The following RBSN variants were observed in gnomAD, a reference collection of about 807,000 sequenced individuals.
RBSN encodes rabenosyn, RAB effector, also known as rabenosyn-5.
A neutral mutation model predicts 60.5 loss-of-function variants in RBSN; 34 were observed. The observed-to-expected ratio is 0.56, with a 90% CI of 0.43 to 0.75. The LOEUF is 0.75. Among genes scored for constraint, RBSN ranks in the 30% least tolerant of loss-of-function variants. RBSN has a pLI of 0.00. For missense variants in RBSN, 845 were observed against 986.8 expected, an observed-to-expected ratio of 0.86 and a Z score of 1.92; for synonymous variants, 322 against 366.9, an observed-to-expected ratio of 0.88 and a Z score of 1.40.
At chr3:15,098,716 G>A (rs2043741732) in intron 1 of RBSN, among the ~76,000 whole-genome samples, 1 of 152,072 alleles carries the variant, frequency 6.6e-6, no homozygotes, top group South Asian at 2.1e-4. Context: ...AAAACACTCC[G>A]AACATCTCCA....
At chr3:15,088,680 G>C (rs1267352311) in intron 5 of RBSN, among the ~76,000 whole-genome samples, 1 of 152,024 alleles carries the variant, frequency 6.6e-6, no homozygotes, top group Non-Finnish European at 1.5e-5. Flanking sequence ...GCGCCCGGCT[G>C]TATAGTATTA....
rs201912421 is a variant in RBSN, at chr3:15,074,657, C to T, written c.1480G>A (p.Asp494Asn). The T allele has an allele frequency of 1.2e-6, 2 of 1,614,270 alleles. No homozygotes were observed. The highest frequency in any genetic ancestry group is 2.7e-5 in the African/African-American group (2 of 75,072). Reference protein sequence around the residue: ...TLQENLRQLQDEYDQQQTEKA... With the variant: ...TLQENLRQLQNEYDQQQTEKA... ...TCTGTCTGCTGCTGGTCATACTCGT[C>T]CTGCAGCTGCCGCAGGTTCTCCTGC... Residue 494 changes from aspartate (D) to asparagine (N), a missense_variant, in exon 14 of 14, where the codon GAC (aspartate) becomes AAC (asparagine). Coordinates refer to ENST00000253699, the MANE Select transcript of RBSN (RefSeq NM_022340.4). This position sits in a 1 kb window ranked among gnomAD's most constrained non-coding sequence, Gnocchi z 6.4.
rs1313001678 is a variant in RBSN at position 15,074,829 on chromosome 3, G to A, written c.1308C>T (p.Pro436=). ...EVASLRRGPA[P]LRKAEGWLPL... is the part of the protein sequence containing the mutation. The stretch of plus-strand genomic sequence containing the variant: ...GGAGCCAGCCCTCAGCCTTTCTCAA[G>A]GGGGCAGGGCCCCTGCGGAGAGATG... The change falls in exon 14 of 14, where the codon CCC becomes CCT. Residue 436 remains proline, a synonymous_variant. Coordinates refer to ENST00000253699, the MANE Select transcript of RBSN (RefSeq NM_022340.4). This position sits in a 1 kb window ranked among gnomAD's most constrained non-coding sequence, Gnocchi z 6.4. The A allele has an allele frequency of 5.6e-6, 9 of 1,614,110 alleles. No individual in the cohort carries two copies. The highest frequency in any genetic ancestry group is 6.8e-6 in the Non-Finnish European group (8 of 1,180,064).
Position 15,098,292 on chromosome 3 carries a change from G to A in RBSN, c.-500-18C>T, listed in dbSNP as rs2043722844. 6.6e-6 allele frequency: 1 copy of A among 151,838 alleles called. No individual in the cohort carries two copies. The highest frequency in any genetic ancestry group is 2.1e-4 in the South Asian group (1 of 4,812). 9.4% of individuals were successfully genotyped at this position (151,838 alleles called of 1,614,324 possible). A position where few individuals can be genotyped will look rare whatever the true frequency, so the allele number is the denominator to read the frequency against. On this transcript the variant is annotated intron_variant, in intron 1 of 13. Transcript: ENST00000253699. ...CACAGTACCTGGCACACACAATGAA[G>A]CAGCACAATAAAGCTCCATGAATGA...
intron 10 of RBSN, among the ~76,000 whole-genome samples, chr3:15,079,142 C>T (rs1442006627): frequency 6.6e-6 from 1 of 152,132 alleles, no homozygotes; most frequent in Non-Finnish European, 1.5e-5. Flanking sequence ...ATGTTTTCAG[C>T]TTTGCAGGCC....
Position 15,077,981 on chromosome 3 carries a change from A to G in RBSN, c.998+94T>C. On this transcript the variant is annotated intron_variant, in intron 11 of 13. Coordinates refer to ENST00000253699, the MANE Select transcript of RBSN (RefSeq NM_022340.4). This position sits in a 1 kb window ranked among gnomAD's most constrained non-coding sequence, Gnocchi z 4.4. ...CCTCACCCACTGCCCCATCACCAGAAGTCTGAGTGAGTGCAGGTCTGCTTT... is the reference window on the plus strand; with the variant it reads ...CCTCACCCACTGCCCCATCACCAGAGGTCTGAGTGAGTGCAGGTCTGCTTT... 1 of 1,084,270 alleles carries G rather than the reference A, an allele frequency of 9.2e-7. No individual in the cohort carries two copies. The highest frequency in any genetic ancestry group is 1.4e-6 in the Non-Finnish European group (1 of 711,376). 67.2% of individuals were successfully genotyped at this position (1,084,270 alleles called of 1,614,324 possible).
chr3:15,078,883 T>C (rs1425990334), intron 10 of RBSN, among the ~76,000 whole-genome samples: 1 of 146,374 alleles, frequency 6.8e-6, no homozygotes, highest in Admixed American at 6.9e-5. Context: ...AAGGCACATC[T>C]ACTACTACAT....
chr3:15,073,899 G>A lies in RBSN; in HGVS notation c.2238C>T (p.Ile746=). The A allele has an allele frequency of 6.2e-7, 1 of 1,614,104 alleles. No homozygotes were observed. ...EELLLQQIDN[I]KAYIFDAKQC... ...GCTTGGCATCAAAGATGTATGCCTTGATGTTATCGATCTGCTGCAGGAGGA... is the reference window on the plus strand; with the variant it reads ...GCTTGGCATCAAAGATGTATGCCTTAATGTTATCGATCTGCTGCAGGAGGA... The change falls in exon 14 of 14, where the codon ATC becomes ATT. Residue 746 remains isoleucine (I), a synonymous_variant. Coordinates refer to ENST00000253699, the MANE Select transcript of RBSN (RefSeq NM_022340.4).
Position 15,074,875 on chromosome 3 carries a change from C to T in RBSN, c.1262G>A (p.Arg421Gln), listed in dbSNP as rs139040870. ...AGATGCCACCTCCCCGTTGGCCGCT[C>T]GAGAAGCCAGGCCACTCTGCCTTTC... ...LEERQSGLASRAANGEVASLR... is the reference protein window; with the variant it reads ...LEERQSGLASQAANGEVASLR... The change falls in exon 14 of 14, where the codon CGA becomes CAA. Residue 421 changes from arginine to glutamine, a missense_variant. Physicochemically the swap from Arg to Gln is conservative, Grantham distance 43 (BLOSUM62 1). Transcript: ENST00000253699. This position sits in a 1 kb window ranked among gnomAD's most constrained non-coding sequence, Gnocchi z 6.4. 18 of 1,613,800 alleles carry T rather than the reference C, an allele frequency of 1.1e-5. No individual in the cohort carries two copies. Among genetic ancestry groups the T allele is most frequent in the African/African-American group, 4.0e-5 (3 of 74,932 alleles).
At chr3:15,098,651 G>T (rs1260652259) in intron 1 of RBSN, among the ~76,000 whole-genome samples, 1 of 151,722 alleles carries the variant, frequency 6.6e-6, no homozygotes, top group African/African-American at 2.4e-5. Context: ...CAACACGAAC[G>T]ACTCAATCCC....
At position 15,072,821 on chromosome 3, in the gene RBSN, C is replaced by G. The variant is rs1419387809; in HGVS notation, c.*961G>C. The G allele has an allele frequency of 6.6e-6, 1 of 152,250 alleles. No individual in the cohort carries two copies. The highest frequency in any genetic ancestry group is 6.5e-5 in the Admixed American group (1 of 15,280). 9.4% of individuals were successfully genotyped at this position (152,250 alleles called of 1,614,324 possible). A position where few individuals can be genotyped will look rare whatever the true frequency, so the allele number is the denominator to read the frequency against. On this transcript the variant is annotated 3_prime_UTR_variant, in exon 14 of 14. Coordinates refer to ENST00000253699, the MANE Select transcript of RBSN (RefSeq NM_022340.4). ...CTCTGCCTCCCGGGTTCACAGCATT[C>G]TCCTGCCTCAGCCTCCAAAGTAGCT... is the stretch of plus-strand genomic sequence containing the variant.
Position 15,085,011 on chromosome 3 carries a change from G to T in RBSN, c.425C>A (p.Ala142Glu). 6.2e-7 allele frequency: 1 copy of T among 1,614,220 alleles called. No individual in the cohort carries two copies. The highest frequency in any genetic ancestry group is 8.5e-7 in the Non-Finnish European group (1 of 1,180,034). Residue 142 changes from alanine (A) to glutamate (E), a missense_variant, in exon 7 of 14, where the codon GCA becomes GAA. Coordinates refer to ENST00000253699, the MANE Select transcript of RBSN (RefSeq NM_022340.4). Reference protein sequence around the residue: ...TAFDRTNTESAKIRAIEKSVV... With the variant: ...TAFDRTNTESEKIRAIEKSVV... Reference sequence around the variant, plus strand: ...AGTTTTAAAGTTACCTCGAATCTTTGCAGACTCAGTATTTGTTCTGTCAAA... The same window carrying T: ...AGTTTTAAAGTTACCTCGAATCTTTTCAGACTCAGTATTTGTTCTGTCAAA...
At position 15,082,351 on chromosome 3, in the gene RBSN, A is replaced by G. The variant is rs773222142; in HGVS notation, c.840+16T>C. On this transcript the variant is annotated intron_variant, in intron 9 of 13. Coordinates refer to ENST00000253699, the MANE Select transcript of RBSN (RefSeq NM_022340.4). The surrounding 1 kb of genome is among the most constrained non-coding windows in gnomAD (Gnocchi z 4.2). ...TGCCTAAGAAATTAGACCCAAGACC[A>G]GACAGCGCGAATCACCTCGTAGAGC... The G allele has an allele frequency of 1.2e-6, 2 of 1,603,270 alleles. No individual in the cohort carries two copies. The highest frequency in any genetic ancestry group is 4.5e-5 in the East Asian group (2 of 44,560).
Position 15,090,442 on chromosome 3 carries a change from G to A in RBSN, c.246C>T (p.Ser82=). ...ESGTQGYESF[S]YGGVDPYMWE... is the part of the protein sequence containing the mutation. ...ACATGTAAGGATCAACCCCTCCATA[G>A]CTGAAAGACTCATATCCTTGGGTCC... Residue 82 remains serine (S), a synonymous_variant, in exon 5 of 14, where the codon AGC becomes AGT. Transcript: ENST00000253699. 6.2e-7 allele frequency: 1 copy of A among 1,614,166 alleles called. No individual in the cohort carries two copies. Among genetic ancestry groups the A allele is most frequent in the African/African-American group, 1.3e-5 (1 of 75,028 alleles).
intron 13 of RBSN, 83 bp from the exon 14 acceptor site, chr3:15,075,013 C>T: frequency 1.4e-6 from 2 of 1,461,006 alleles, no homozygotes; most frequent in Non-Finnish European, 1.8e-6. Context: ...TGTTGTCCCT[C>T]TATCCCTGTG....
In RBSN at chr3:15,084,149, C is replaced by T. The variant is rs544062630; in HGVS notation, c.598+586G>A. The stretch of plus-strand genomic sequence containing the variant: ...ATTTATTTTTTTGAGATGGGAGTCT[C>T]GCTCGGTCACCCAGGCTGAAGTGCA... On this transcript the variant is annotated intron_variant, in intron 8 of 13. Coordinates refer to ENST00000253699, the MANE Select transcript of RBSN (RefSeq NM_022340.4). The surrounding 1 kb of genome is among the most constrained non-coding windows in gnomAD (Gnocchi z 4.2). Among the ~76,000 whole-genome samples the T allele has an allele frequency of 1.1e-4, 16 of 152,218 alleles. No individual in the cohort carries two copies. The South Asian group carries it at 1.2e-3, about 12-fold the overall frequency.
chr3:15,092,710 C>G (rs2043549034), intron 4 of RBSN, among the ~76,000 whole-genome samples: 1 of 152,166 alleles, frequency 6.6e-6, no homozygotes, highest in African/African-American at 2.4e-5. Context: ...CTGTCCCTGG[C>G]CTAAAGCAGT....
Position 15,082,354 on chromosome 3 carries a change from C to T in RBSN, c.840+13G>A, listed in dbSNP as rs758635412. 6 of 1,603,694 alleles carry T rather than the reference C, an allele frequency of 3.7e-6. No individual in the cohort carries two copies. The highest frequency in any genetic ancestry group is 5.1e-6 in the Non-Finnish European group (6 of 1,171,058). Reference sequence around the variant, plus strand: ...CTAAGAAATTAGACCCAAGACCAGACAGCGCGAATCACCTCGTAGAGCTTC... The same window carrying T: ...CTAAGAAATTAGACCCAAGACCAGATAGCGCGAATCACCTCGTAGAGCTTC... On this transcript the variant is annotated intron_variant, in intron 9 of 13. Transcript: ENST00000253699. The surrounding 1 kb of genome is among the most constrained non-coding windows in gnomAD (Gnocchi z 4.2).
At chr3:15,076,648 A>T (rs912015008) in intron 12 of RBSN, among the ~76,000 whole-genome samples, 1 of 152,180 alleles carries the variant, frequency 6.6e-6, no homozygotes, top group Non-Finnish European at 1.5e-5. Context: ...AGAGTCTCTT[A>T]GGAGATTATC....
Sources: allele counts gnomAD v4.1 joint callset (sites outside exome capture counted in the v4.1 genomes callset), GRCh38; gene constraint gnomAD v4.1.1; non-coding constraint Gnocchi (gnomAD v3.1); transcripts MANE v1.5; gene names NCBI Gene and HGNC (gene_info 2026-07-23, HGNC 2026-07-21).